Variants in ANAPC13 observed in about 807,000 individuals in gnomAD.
The protein encoded by ANAPC13 is anaphase-promoting complex subunit 13.
Under a neutral mutation model 9.6 loss-of-function variants are expected in ANAPC13, and 9 were observed. That is an observed-to-expected ratio of 0.94 (90% CI 0.57 to 1.64). ANAPC13 has a LOEUF of 1.64. Among genes scored for constraint, ANAPC13 ranks in the 40% most tolerant of loss-of-function variants. The pLI is 0.00. For synonymous variants in ANAPC13, 30 were observed against 29.7 expected (o/e 1.01, Z -0.03); for missense variants, 75 against 85.3 (o/e 0.88, Z 0.48).
chr3:134,481,327 T>C (rs1339743256), intron 2 of ANAPC13, among the ~76,000 whole-genome samples: 1 of 152,246 alleles, frequency 6.6e-6, no homozygotes, highest in Non-Finnish European at 1.5e-5. Context: ...AGCCTACTTA[T>C]GTGACAAATG....
chr3:134,477,769 C>G lies in ANAPC13; in HGVS notation c.*821G>C, dbSNP rs1934643738. ...AGAGTTTCAACAAGGGATACAGATA[C>G]AAGCAGCTTCTTACAGAGTTTACAA... On this transcript the variant is annotated 3_prime_UTR_variant, in exon 3 of 3. Coordinates refer to ENST00000354910, the MANE Select transcript of ANAPC13 (RefSeq NM_015391.4). The G allele has an allele frequency of 6.6e-6, 1 of 152,188 alleles. No individual in the cohort carries two copies. The highest frequency in any genetic ancestry group is 2.1e-4 in the South Asian group (1 of 4,836). The allele number at this position is 152,188 out of a possible 1,614,324, so 9.4% of individuals were successfully genotyped here. A position where few individuals can be genotyped will look rare whatever the true frequency, so the allele number is the denominator to read the frequency against.
At chr3:134,484,891 AC>A (rs1397250949) in intron 1 of ANAPC13, among the ~76,000 whole-genome samples, 1 of 152,180 alleles carries the variant, frequency 6.6e-6, no homozygotes, top group African/African-American at 2.4e-5. Context: ...AATCTACTAA[AC>A]AAGCTAGGTC....
intron 2 of ANAPC13, among the ~76,000 whole-genome samples, chr3:134,481,530 C>T (rs991809034): frequency 9.9e-5 from 15 of 152,274 alleles, no homozygotes; most frequent in African/African-American, 2.9e-4. Context: ...TCAGCCACTT[C>T]GTATATGATG....
chr3:134,480,047 T>C (rs181637355), intron 2 of ANAPC13, among the ~76,000 whole-genome samples: 7 of 152,350 alleles, frequency 4.6e-5, no homozygotes, highest in South Asian at 2.1e-4. Context: ...GCTCAATATA[T>C]ATTAAATGAT....
intron 2 of ANAPC13, among the ~76,000 whole-genome samples, chr3:134,481,639 G>C (rs1397630319): frequency 1.3e-5 from 2 of 152,184 alleles, no homozygotes; most frequent in Non-Finnish European, 2.9e-5. Context: ...TGTATCTTAT[G>C]TTCACATAGT....
chr3:134,479,637 C>T (rs150150322), intron 2 of ANAPC13, among the ~76,000 whole-genome samples: 71 of 152,318 alleles, frequency 4.7e-4, no homozygotes, highest in African/African-American at 1.5e-3. Flanking sequence ...GCGCGAGCCA[C>T]CGCGCCTGGC....
intron 2 of ANAPC13, among the ~76,000 whole-genome samples, chr3:134,481,414 T>G (rs1485145408): frequency 6.6e-6 from 1 of 152,204 alleles, no homozygotes; most frequent in Non-Finnish European, 1.5e-5. Context: ...ATCTGTCCCC[T>G]CTGCTGCAAT....
Sources: gnomAD v4.1 joint callset for allele counts (sites outside exome capture counted in the v4.1 genomes callset) on GRCh38, gnomAD v4.1.1 for gene constraint, MANE v1.5 for transcripts, NCBI Gene and HGNC (gene_info 2026-07-23, HGNC 2026-07-21) for gene names.